Variants in RALGPS1 observed in about 807,000 individuals in gnomAD.
RALGPS1 encodes Ral GEF with PH domain and SH3 binding motif 1, also known as ras-specific guanine nucleotide-releasing factor RalGPS1.
In RALGPS1, 19 loss-of-function variants were observed where a neutral mutation model predicts 78.8. The ratio of observed to expected loss-of-function variants is 0.24; its 90% CI spans 0.17 to 0.35. RALGPS1 has a LOEUF of 0.35. Ranked by LOEUF, RALGPS1 falls within the 10% of genes least tolerant of loss-of-function variation. The probability of loss-of-function intolerance (pLI) is 1.00; values close to 1 mark genes in which losing one functional copy is unlikely to be tolerated. For missense variants in RALGPS1, 454 were observed against 688.3 expected (o/e 0.66, Z 3.81); for synonymous variants, 228 against 256.3 (o/e 0.89, Z 1.06).
chr9:126,951,115 C>G (rs2037772972), intron 1 of RALGPS1, among the ~76,000 whole-genome samples: 1 of 151,968 alleles, frequency 6.6e-6, no homozygotes, highest in East Asian at 1.9e-4. Context: ...AAGTCTAAAC[C>G]AGGAAGAAGT....
intron 8 of RALGPS1, among the ~76,000 whole-genome samples, chr9:127,121,186 G>C (rs1462635650): frequency 1.3e-5 from 2 of 152,222 alleles, no homozygotes; most frequent in Non-Finnish European, 2.9e-5. Flanking sequence ...CTGGCATAGA[G>C]TAAGTGCAAT....
chr9:127,140,265 C>G lies in RALGPS1; in HGVS notation c.611-25804C>G, dbSNP rs774538702. On this transcript the variant is annotated intron_variant, in intron 8 of 18. Transcript: ENST00000259351. Reference sequence around the variant, plus strand: ...GGAAGGCAGTGCAACAGGTCAGTCTCTGGCTGACGGATCAGATGGACGTGC... The same window carrying G: ...GGAAGGCAGTGCAACAGGTCAGTCTGTGGCTGACGGATCAGATGGACGTGC... Among the ~76,000 whole-genome samples, 154 of 152,238 alleles carry G rather than the reference C, an allele frequency of 1.0e-3. 3 individuals carry two copies. Among genetic ancestry groups the G allele is most frequent in the Non-Finnish European group, 3.2e-4 (22 of 68,044 alleles).
intron 3 of RALGPS1, among the ~76,000 whole-genome samples, chr9:126,971,404 A>C (rs1254498921): frequency 2.0e-5 from 3 of 152,206 alleles, no homozygotes; most frequent in Non-Finnish European, 4.4e-5. Flanking sequence ...TAAAGGAAAA[A>C]AAATTATTTG....
intron 4 of RALGPS1, among the ~76,000 whole-genome samples, chr9:127,001,338 T>C (rs1437582917): frequency 6.6e-6 from 1 of 151,996 alleles, no homozygotes; most frequent in East Asian, 1.9e-4. Flanking sequence ...CTTTTCCTTC[T>C]TTTTCTGACT....
At chr9:126,979,320 T>C (rs1414170402) in intron 4 of RALGPS1, among the ~76,000 whole-genome samples, 1 of 152,104 alleles carries the variant, frequency 6.6e-6, no homozygotes, top group East Asian at 1.9e-4. Flanking sequence ...GAGCTTTGTT[T>C]GCTTTTTTTG....
intron 4 of RALGPS1, among the ~76,000 whole-genome samples, chr9:127,026,749 G>T (rs2045995151): frequency 6.6e-6 from 1 of 152,200 alleles, no homozygotes; most frequent in East Asian, 1.9e-4. Flanking sequence ...TTCTCCTGAG[G>T]GGAGTCTGCC....
intron 5 of RALGPS1, among the ~76,000 whole-genome samples, chr9:127,043,401 A>C (rs1589170548): frequency 3.1e-5 from 1 of 31,910 alleles, no homozygotes; most frequent in East Asian, 4.4e-4. Context: ...GTGTATATGC[A>C]AAAAAAAAAA....
intron 8 of RALGPS1, among the ~76,000 whole-genome samples, chr9:127,153,743 A>G (rs1445842742): frequency 6.6e-6 from 1 of 152,226 alleles, no homozygotes; most frequent in Non-Finnish European, 1.5e-5. Flanking sequence ...CCTGCAGAGC[A>G]TCCTCTGACG....
At chr9:127,136,126 G>C (rs992500569) in intron 8 of RALGPS1, among the ~76,000 whole-genome samples, 1 of 152,234 alleles carries the variant, frequency 6.6e-6, no homozygotes, top group Admixed American at 6.5e-5. Context: ...ACCCCAGGTT[G>C]TGAGTCTGTG....
At chr9:127,125,897 G>C (rs534039293) in intron 8 of RALGPS1, among the ~76,000 whole-genome samples, 1 of 152,302 alleles carries the variant, frequency 6.6e-6, no homozygotes, top group South Asian at 2.1e-4. Context: ...GACACAATTC[G>C]TAAGAATGAT....
intron 12 of RALGPS1, among the ~76,000 whole-genome samples, chr9:127,195,752 C>CCCTT (rs201544370): frequency 0.017 from 2,560 of 151,596 alleles, 29 homozygotes; most frequent in African/African-American, 0.023. Flanking sequence ...ACAGATGAGT[C>CCCTT]CCTTCCTTCC....
intron 14 of RALGPS1, among the ~76,000 whole-genome samples, chr9:127,208,698 C>T (rs1457614878): frequency 3.3e-5 from 5 of 152,168 alleles, no homozygotes; most frequent in African/African-American, 1.2e-4. Context: ...CCTGTGCTCC[C>T]CGCCAGTCCA....
intron 4 of RALGPS1, among the ~76,000 whole-genome samples, chr9:126,987,867 A>G (rs1484436180): frequency 1.3e-5 from 2 of 152,116 alleles, no homozygotes; most frequent in Non-Finnish European, 2.9e-5. Flanking sequence ...GTAAACAAGA[A>G]GTGTTCAGGG....
chr9:127,119,149 G>A (rs1425952291), intron 8 of RALGPS1, among the ~76,000 whole-genome samples: 1 of 152,216 alleles, frequency 6.6e-6, no homozygotes, highest in South Asian at 2.1e-4. Flanking sequence ...AGCCAACCTG[G>A]TTTCGAAGCT....
intron 5 of RALGPS1, among the ~76,000 whole-genome samples, chr9:127,043,400 CAA>C (rs34894330): frequency 0.43 from 58,239 of 136,552 alleles, 12,787 homozygotes; most frequent in Non-Finnish European, 0.54. Context: ...TGTGTATATG[CAA>C]AAAAAAAAAA....
intron 5 of RALGPS1, among the ~76,000 whole-genome samples, chr9:127,048,346 G>C (rs1341269955): frequency 6.6e-6 from 1 of 152,098 alleles, no homozygotes; most frequent in African/African-American, 2.4e-5. Context: ...TATCTTCTTC[G>C]AGAAGCCTTC....
At chr9:127,168,554 C>T in intron 9 of RALGPS1, 125 bp from the exon 10 acceptor site, 3 of 721,512 alleles carry the variant, frequency 4.2e-6, no homozygotes, top group Non-Finnish European at 7.4e-6. Flanking sequence ...GCATCAGCAA[C>T]TGCTGGAAGA....
intron 5 of RALGPS1, among the ~76,000 whole-genome samples, chr9:127,041,043 G>GTGTGTGTGTGTGTGTGTC (rs2047260053): frequency 6.6e-6 from 1 of 150,920 alleles, no homozygotes; most frequent in Non-Finnish European, 1.5e-5. Context: ...GTGTGTGTGT[G>GTGTGTGTGTGTGTGTGTC]TGTGTGTGTG....
intron 11 of RALGPS1, among the ~76,000 whole-genome samples, chr9:127,192,383 GAGA>G (rs1359695512): frequency 2.6e-5 from 4 of 152,276 alleles, no homozygotes; most frequent in Non-Finnish European, 5.9e-5. Context: ...CTGGAAACAG[GAGA>G]AGGAGTTGCA....
Sources: gnomAD v4.1 joint callset for allele counts (sites outside exome capture counted in the v4.1 genomes callset) on GRCh38, gnomAD v4.1.1 for gene constraint, MANE v1.5 for transcripts, NCBI Gene and HGNC (gene_info 2026-07-23, HGNC 2026-07-21) for gene names.